The following SIPA1L1 variants were observed in gnomAD, a reference collection of about 807,000 sequenced individuals.
SIPA1L1 encodes the protein signal induced proliferation associated 1 like 1, also known as signal-induced proliferation-associated 1-like protein 1.
In SIPA1L1, 26 loss-of-function variants were observed where a neutral mutation model predicts 162.7. The observed-to-expected ratio is 0.16, with a 90% CI of 0.12 to 0.22. The LOEUF (loss-of-function observed/expected upper bound fraction) is 0.22, where lower values mean the gene tolerates loss of function less well. Among genes scored for constraint, SIPA1L1 ranks in the 10% least tolerant of loss-of-function variants. The probability of loss-of-function intolerance (pLI) is 1.00; values close to 1 mark genes in which losing one functional copy is unlikely to be tolerated. For synonymous variants in SIPA1L1, 829 were observed against 837.4 expected, an observed-to-expected ratio of 0.99 and a Z score of 0.17; for missense variants, 1,874 against 2,241.0, an observed-to-expected ratio of 0.84 and a Z score of 3.31.
intron 17 of SIPA1L1, 36 bp from the exon 18 acceptor site, chr14:71,723,611 C>T (rs1177589104): frequency 6.2e-7 from 1 of 1,610,774 alleles, no homozygotes; most frequent in African/African-American, 1.3e-5. Context: ...CATAATGATC[C>T]TGAGATACAC....
chr14:71,664,757 C>G (rs575311074), intron 10 of SIPA1L1, among the ~76,000 whole-genome samples: 43 of 152,254 alleles, frequency 2.8e-4, no homozygotes, highest in African/African-American at 1.0e-3. Context: ...CTTACACCTA[C>G]CTGGTATCTG....
At chr14:71,717,538 G>A (rs1490150099) in intron 17 of SIPA1L1, among the ~76,000 whole-genome samples, 1 of 152,254 alleles carries the variant, frequency 6.6e-6, no homozygotes, top group African/African-American at 2.4e-5. Context: ...CCTATGACAA[G>A]ATTTAACTCT....
chr14:71,592,716 G>A (rs185430227), intron 5 of SIPA1L1, among the ~76,000 whole-genome samples: 1 of 152,232 alleles, frequency 6.6e-6, no homozygotes, highest in Admixed American at 6.5e-5. Flanking sequence ...GGCTGATGAA[G>A]CTATAATCAC....
intron 2 of SIPA1L1, among the ~76,000 whole-genome samples, chr14:71,322,160 G>A (rs2033112625): frequency 1.3e-5 from 2 of 152,208 alleles, no homozygotes; most frequent in Admixed American, 6.5e-5. Context: ...GATGGACTGG[G>A]ATTGGCGTTT....
At chr14:71,589,497 A>G (rs574769871) in intron 5 of SIPA1L1, 127 bp downstream of exon 5, 1 of 583,720 alleles carries the variant, frequency 1.7e-6, no homozygotes, top group Admixed American at 3.4e-5. Flanking sequence ...TTGATGGTAA[A>G]ATAGCTAAAT....
At chr14:71,407,578 C>G (rs2042116534) in intron 2 of SIPA1L1, among the ~76,000 whole-genome samples, 1 of 149,518 alleles carries the variant, frequency 6.7e-6, no homozygotes, top group Non-Finnish European at 1.5e-5. Context: ...ATGATCAGGG[C>G]TGACTGAAGC....
intron 4 of SIPA1L1, among the ~76,000 whole-genome samples, chr14:71,540,420 T>G (rs894606609): frequency 6.6e-6 from 1 of 152,212 alleles, no homozygotes; most frequent in Non-Finnish European, 1.5e-5. Context: ...GTGGCTCATG[T>G]CTGTAATCCC....
At chr14:71,422,684 T>C (rs2043275899) in intron 2 of SIPA1L1, among the ~76,000 whole-genome samples, 1 of 152,274 alleles carries the variant, frequency 6.6e-6, no homozygotes, top group Non-Finnish European at 1.5e-5. Context: ...CGGAATAATA[T>C]TCTGTTGTAT....
At chr14:71,703,686 T>C (rs2082247692) in intron 15 of SIPA1L1, among the ~76,000 whole-genome samples, 1 of 152,240 alleles carries the variant, frequency 6.6e-6, no homozygotes, top group African/African-American at 2.4e-5. Flanking sequence ...GGATCCCTTC[T>C]TCAGCATGAC....
At chr14:71,727,331 C>T (rs1351777845) in intron 19 of SIPA1L1, among the ~76,000 whole-genome samples, 2 of 152,018 alleles carry the variant, frequency 1.3e-5, no homozygotes, top group Admixed American at 1.3e-4. Flanking sequence ...GAACAGGAGA[C>T]TGGCATGAAA....
chr14:71,734,056 A>G (rs1013673959), intron 21 of SIPA1L1, among the ~76,000 whole-genome samples: 13 of 152,234 alleles, frequency 8.5e-5, no homozygotes, highest in African/African-American at 2.9e-4. Context: ...CCTCCTCCGT[A>G]TATGGGAAGG....
rs949424468 is a variant in SIPA1L1 at position 71,529,360 on chromosome 14, A to C, written c.-313A>C. 2.0e-5 allele frequency: 14 copies of C among 684,198 alleles called. No homozygotes were observed. The highest frequency in any genetic ancestry group is 8.4e-5 in the Admixed American group (4 of 47,520). 42.4% of individuals were successfully genotyped at this position (684,198 alleles called of 1,614,324 possible). ...TTGTCTAAATTTCGGTAGCCATGGC[A>C]CAAGAATATAGTAAGTACTATGCCA... On this transcript the variant is annotated 5_prime_UTR_variant, in exon 4 of 24. Transcript: ENST00000381232.
chr14:71,624,769 GCAAA>G (rs1190646484), intron 7 of SIPA1L1, among the ~76,000 whole-genome samples: 1 of 152,132 alleles, frequency 6.6e-6, no homozygotes, highest in Non-Finnish European at 1.5e-5. Flanking sequence ...GAACCAGGGT[GCAAA>G]CATAGTCTGC....
At chr14:71,606,806 C>T (rs1217789395) in intron 5 of SIPA1L1, among the ~76,000 whole-genome samples, 1 of 152,066 alleles carries the variant, frequency 6.6e-6, no homozygotes, top group Non-Finnish European at 1.5e-5. Flanking sequence ...AAGATGTTAG[C>T]ACTGGGGGAG....
intron 5 of SIPA1L1, among the ~76,000 whole-genome samples, chr14:71,611,527 G>A (rs138440392): frequency 3.0e-3 from 453 of 152,146 alleles, no homozygotes; most frequent in Admixed American, 5.1e-3. Context: ...AGCCCCATAT[G>A]CATTAGATAT....
chr14:71,684,098 A>G (rs1400312765), intron 12 of SIPA1L1, among the ~76,000 whole-genome samples: 1 of 152,170 alleles, frequency 6.6e-6, no homozygotes, highest in Admixed American at 6.5e-5. Context: ...GGGGACTGGT[A>G]AGGAAACCCC....
At chr14:71,357,725 C>G (rs1190825548) in intron 2 of SIPA1L1, among the ~76,000 whole-genome samples, 3 of 152,090 alleles carry the variant, frequency 2.0e-5, no homozygotes, top group Admixed American at 1.3e-4. Flanking sequence ...TCAATGCCGG[C>G]TAATTTTTGT....
chr14:71,336,817 G>A (rs979291421), intron 2 of SIPA1L1, among the ~76,000 whole-genome samples: 2 of 152,156 alleles, frequency 1.3e-5, no homozygotes, highest in Admixed American at 6.5e-5. Flanking sequence ...CTTAGAAGTC[G>A]TTTCTGATTC....
intron 4 of SIPA1L1, among the ~76,000 whole-genome samples, chr14:71,553,393 A>G (rs989455405): frequency 6.6e-6 from 1 of 152,244 alleles, no homozygotes; most frequent in Non-Finnish European, 1.5e-5. Flanking sequence ...CCATGGAGCT[A>G]AACACTTTGA....
Sources: gnomAD v4.1 joint callset for allele counts (sites outside exome capture counted in the v4.1 genomes callset) on GRCh38, gnomAD v4.1.1 for gene constraint, MANE v1.5 for transcripts, NCBI Gene and HGNC (gene_info 2026-07-23, HGNC 2026-07-21) for gene names.